Variants in AGRN observed in about 807,000 individuals in gnomAD.
AGRN encodes the protein agrin.
Under a neutral mutation model 211.0 loss-of-function variants are expected in AGRN, and 106 were observed. That is an observed-to-expected ratio of 0.50 (90% CI 0.43 to 0.59). The LOEUF (loss-of-function observed/expected upper bound fraction) is 0.59, where lower values mean the gene tolerates loss of function less well. AGRN is among the 20% of genes least tolerant of loss of function. The probability of loss-of-function intolerance (pLI) is 0.00; values close to 1 mark genes in which losing one functional copy is unlikely to be tolerated. For synonymous variants in AGRN, 1,525 were observed against 1,332.5 expected, an observed-to-expected ratio of 1.14 and a Z score of -3.15; for missense variants, 3,040 against 2,982.6, an observed-to-expected ratio of 1.02 and a Z score of -0.45.
At chr1:1,025,344 C>T (rs1486641593) in intron 2 of AGRN, among the ~76,000 whole-genome samples, 5 of 152,184 alleles carry the variant, frequency 3.3e-5, no homozygotes, top group South Asian at 4.1e-4. Context: ...CTGCCTAGGC[C>T]TCAGGACGGC....
chr1:1,046,671 C>T lies in AGRN; in HGVS notation c.3186C>T (p.Ser1062=). 6.3e-7 allele frequency: 1 copy of T among 1,591,160 alleles called. No homozygotes were observed. Among genetic ancestry groups the T allele is most frequent in the Non-Finnish European group, 8.5e-7 (1 of 1,174,614 alleles). Residue 1062 remains serine (S), a synonymous_variant, in exon 18 of 36, where the codon AGC becomes AGT. Transcript: ENST00000379370. The stretch of plus-strand genomic sequence containing the variant: ...CGTCCGCCTTTGGTGAATCTGGCAG[C>T]ACTGATGGAAGCAGCGATGAGGAAC... ...LVASAFGESG[S]TDGSSDEELS... is the part of the protein sequence containing the mutation.
rs908326430 is a variant in AGRN at position 1,032,131 on chromosome 1, A to C, written c.464-3146A>C. 3.3e-5 allele frequency among the ~76,000 whole-genome samples: 5 copies of C among 152,182 alleles called. No homozygotes were observed. Among genetic ancestry groups the C allele is most frequent in the Non-Finnish European group, 5.9e-5 (4 of 68,020 alleles). ...GCTCCCCTGAGGAGAGAGTGAGGCC[A>C]GCAGGGGTGGGTCTCCAAGTGCTTC... On this transcript the variant is annotated intron_variant, in intron 2 of 35. Transcript: ENST00000379370. The surrounding 1 kb of genome is among the most constrained non-coding windows in gnomAD (Gnocchi z 4.7).
chr1:1,050,083 A>G, intron 27 of AGRN, 46 bp downstream of exon 27: 8 of 1,527,624 alleles, frequency 5.2e-6, no homozygotes, highest in Non-Finnish European at 6.2e-6. Flanking sequence ...GGGGGGTTGA[A>G]CGTTTGGGCG....
At position 1,045,468 on chromosome 1, in the gene AGRN, G is replaced by T. The variant is rs1645064652; in HGVS notation, c.2481G>T (p.Glu827Asp). 1 of 1,612,812 alleles carries T rather than the reference G, an allele frequency of 6.2e-7. No individual in the cohort carries two copies. Among genetic ancestry groups the T allele is most frequent in the Admixed American group, 1.7e-5 (1 of 60,004 alleles). Residue 827 changes from glutamate to aspartate, a missense_variant, in exon 14 of 36, where the codon GAG becomes GAT. Physicochemically the swap from Glu to Asp is conservative, Grantham distance 45. Coordinates refer to ENST00000379370, the MANE Select transcript of AGRN (RefSeq NM_198576.4). The part of the protein sequence containing the change: ...GVGGLRCDRC[E>D]PGFWNFRGIV... ...GGGGCCTCAGGTGTGACCGCTGTGA[G>T]CCTGGCTTCTGGAACTTTCGAGGCA...
intron 1 of AGRN, 57 bp downstream of exon 1, chr1:1,020,430 CCCGCCCCA>C: frequency 6.8e-7 from 1 of 1,461,040 alleles, no homozygotes; most frequent in South Asian, 1.3e-5. Context: ...CGCCGGGACC[CCCGCCCCA>C]GGCCGTGGGA....
At chr1:1,045,544 C>T in intron 14 of AGRN, 21 bp downstream of exon 14, 1 of 1,611,670 alleles carries the variant, frequency 6.2e-7, no homozygotes, top group Non-Finnish European at 8.5e-7. Flanking sequence ...GGGCCCAGGA[C>T]TGGCCACCGG....
intron 2 of AGRN, chr1:1,034,385 G>A (rs1332655277): frequency 2.0e-6 from 2 of 985,390 alleles, no homozygotes; most frequent in African/African-American, 1.7e-5. Flanking sequence ...GAGGACTGGA[G>A]CCGGGACCTG....
At chr1:1,020,805 G>C (rs1426865004) in intron 1 of AGRN, among the ~76,000 whole-genome samples, 1 of 124,888 alleles carries the variant, frequency 8.0e-6, no homozygotes. Context: ...CACAGCCTGA[G>C]CTCCCAACCC....
At chr1:1,042,660 C>T (rs1445138786) in intron 7 of AGRN, among the ~76,000 whole-genome samples, 1 of 152,180 alleles carries the variant, frequency 6.6e-6, no homozygotes, top group Non-Finnish European at 1.5e-5. Context: ...GTCTCTTCTT[C>T]CCTGTCGGCT....
rs1440633189 is a variant in AGRN at position 1,051,291 on chromosome 1, C to T, written c.5292C>T (p.Tyr1764=). The T allele has an allele frequency of 1.0e-5, 16 of 1,575,492 alleles. No homozygotes were observed. The highest frequency in any genetic ancestry group is 4.0e-5 in the African/African-American group (3 of 74,240). The change falls in exon 31 of 36, where the codon TAC becomes TAT. Residue 1764 remains tyrosine (Y), a synonymous_variant. Transcript: ENST00000379370. ...TCCTCAACCTGAAGGAGCCGCTCTA[C>T]GTAGGGGGCGCTCCCGACTTCAGCA... ...HTVLNLKEPL[Y]VGGAPDFSKL...
chr1:1,054,496 C>A lies in AGRN; in HGVS notation c.5925C>A (p.Thr1975=). 1 of 1,603,230 alleles carries A rather than the reference C, an allele frequency of 6.2e-7. No homozygotes were observed. The highest frequency in any genetic ancestry group is 8.5e-7 in the Non-Finnish European group (1 of 1,175,774). Residue 1975 remains threonine (T), a synonymous_variant, in exon 35 of 36, where the codon ACC becomes ACA. Coordinates refer to ENST00000379370, the MANE Select transcript of AGRN (RefSeq NM_198576.4). ...AGGTGGGCAATGAGGCCCCTGTGACCGGCTCCTCCCCGCTGGGCGCCACGC... is the reference window on the plus strand; with the variant it reads ...AGGTGGGCAATGAGGCCCCTGTGACAGGCTCCTCCCCGCTGGGCGCCACGC... The part of the protein sequence containing the change: ...SLQVGNEAPV[T]GSSPLGATQL...
chr1:1,054,395 G>A, intron 34 of AGRN, 53 bp from the exon 35 acceptor site: 3 of 1,465,152 alleles, frequency 2.0e-6, no homozygotes, highest in South Asian at 2.4e-5. Flanking sequence ...ATGGTCTAGA[G>A]GAGGCAGAGG....
chr1:1,051,164 G>A (rs1570247920), intron 30 of AGRN, 89 bp from the exon 31 acceptor site: 2 of 1,505,184 alleles, frequency 1.3e-6, no homozygotes, highest in African/African-American at 1.4e-5. Flanking sequence ...TAGGCAATGG[G>A]CGGGTGGGGC....
intron 3 of AGRN, among the ~76,000 whole-genome samples, chr1:1,037,373 G>A (rs1458285933): frequency 6.6e-6 from 1 of 152,062 alleles, no homozygotes; most frequent in Non-Finnish European, 1.5e-5. Context: ...CAGAGTCACG[G>A]AGGGCTCCAC....
chr1:1,022,576 C>T, intron 2 of AGRN, 114 bp downstream of exon 2: 1 of 1,276,808 alleles, frequency 7.8e-7, no homozygotes, highest in South Asian at 1.4e-5. Context: ...GAGGCTGCAG[C>T]ACACGGTGTC....
chr1:1,041,753 G>C (rs61766305), intron 6 of AGRN, 51 bp downstream of exon 6: 11 of 1,099,466 alleles, frequency 1.0e-5, no homozygotes, highest in Non-Finnish European at 1.2e-5. Flanking sequence ...GGTCGAGGTG[G>C]GCGGCTCCCC....
Position 1,055,649 on chromosome 1 carries a change from C to G in AGRN, c.*668C>G, listed in dbSNP as rs771423645. Reference sequence around the variant, plus strand: ...CACCCCAGGCCCTGCGAGGGGCTATCGAGAGGAGCTCACTGTGGGATGGGG... The same window carrying G: ...CACCCCAGGCCCTGCGAGGGGCTATGGAGAGGAGCTCACTGTGGGATGGGG... On this transcript the variant is annotated 3_prime_UTR_variant, in exon 36 of 36. Transcript: ENST00000379370. 1 of 160,264 alleles carries G rather than the reference C, an allele frequency of 6.2e-6. No homozygotes were observed. Among genetic ancestry groups the G allele is most frequent in the Non-Finnish European group, 1.4e-5 (1 of 72,570 alleles). The allele number at this position is 160,264 out of a possible 1,614,324, so 9.9% of individuals were successfully genotyped here.
At chr1:1,053,534 C>T (rs1259872377) in intron 33 of AGRN, 1 of 1,530,280 alleles carries the variant, frequency 6.5e-7, no homozygotes. Flanking sequence ...CCTGGCTGGC[C>T]CATCTGTCCT....
rs751960348 is a variant in AGRN, at chr1:1,050,398, A to G, written c.4977-29A>G. 3 of 1,612,724 alleles carry G rather than the reference A, an allele frequency of 1.9e-6. No homozygotes were observed. In the Admixed American group the frequency reaches 5.0e-5, roughly 27 times the overall value. ...GTCTCTCCTGTGGGGAGGGGACAGC[A>G]AAGACACCCCGACTCCCCATGACCC... is the stretch of plus-strand genomic sequence containing the variant. On this transcript the variant is annotated intron_variant, in intron 28 of 35. Transcript: ENST00000379370.
Sources: allele counts gnomAD v4.1 joint callset (sites outside exome capture counted in the v4.1 genomes callset), GRCh38; gene constraint gnomAD v4.1.1; non-coding constraint Gnocchi (gnomAD v3.1); transcripts MANE v1.5; gene names NCBI Gene and HGNC (gene_info 2026-07-23, HGNC 2026-07-21).